The following ZNF430 variants were observed in gnomAD, a reference collection of about 807,000 sequenced individuals.
ZNF430 encodes the protein zinc finger protein 430.
A neutral mutation model predicts 56.7 loss-of-function variants in ZNF430; 35 were observed. That is an observed-to-expected ratio of 0.62 (90% CI 0.47 to 0.82). ZNF430 has a LOEUF of 0.82. Among genes scored for constraint, ZNF430 ranks in the 40% least tolerant of loss-of-function variants. ZNF430 has a pLI of 0.00. For missense variants in ZNF430, 574 were observed against 661.0 expected (o/e 0.87, Z 1.44); for synonymous variants, 212 against 224.3 (o/e 0.94, Z 0.49).
Position 21,020,736 on chromosome 19 carries a change from C to A in ZNF430, c.-65C>A, listed in dbSNP as rs371828819. 114 of 1,602,060 alleles carry A rather than the reference C, an allele frequency of 7.1e-5. No homozygotes were observed. The highest frequency in any genetic ancestry group is 1.7e-4 in the Middle Eastern group (1 of 6,044). On this transcript the variant is annotated 5_prime_UTR_variant, in exon 1 of 5. Transcript: ENST00000261560. ...GCTCCTAGAGGTCCAGGCTCTGTGG[C>A]CCTGTGACCCGCAGGTATTGGGAGA...
chr19:21,035,945 A>C (rs1967990983), intron 4 of ZNF430: 1 of 152,224 alleles, frequency 6.6e-6, no homozygotes, highest in Admixed American at 6.5e-5. Context: ...GCGTTTATTG[A>C]GTACCGGAGA....
chr19:21,039,290 T>G (rs1227274382), intron 4 of ZNF430, among the ~76,000 whole-genome samples: 1 of 151,654 alleles, frequency 6.6e-6, no homozygotes, highest in African/African-American at 2.4e-5. Flanking sequence ...AGACAGGGTC[T>G]TCCTATGTTG....
In ZNF430 at chr19:21,048,164, C is replaced by CTT. The variant is rs536496163; in HGVS notation, c.323-8436_323-8435dup. On this transcript the variant is annotated intron_variant, in intron 4 of 4. Coordinates refer to ENST00000261560, the MANE Select transcript of ZNF430 (RefSeq NM_025189.4). ...TTAAAATGGAGATTACATAAAACATCTTTTTTTTTTTTTTTTTTTTTTTTT... is the reference window on the plus strand; with the variant it reads ...TTAAAATGGAGATTACATAAAACATCTTTTTTTTTTTTTTTTTTTTTTTTTTT... 1.3e-4 allele frequency among the ~76,000 whole-genome samples: 8 copies of CTT among 59,776 alleles called. No homozygotes were observed. The East Asian group carries it at 2.0e-3, about 15-fold the overall frequency. The allele number at this position is 59,776 out of a possible 152,430, so 39.2% of individuals were successfully genotyped here.
intron 4 of ZNF430, among the ~76,000 whole-genome samples, chr19:21,039,400 G>A (rs1211127910): frequency 2.1e-5 from 3 of 140,090 alleles, no homozygotes; most frequent in South Asian, 4.4e-4. Context: ...CGGCCCATGT[G>A]TTTTTTTTTT....
chr19:21,025,806 C>G (rs1313087084), intron 2 of ZNF430: 1 of 171,112 alleles, frequency 5.8e-6, no homozygotes, highest in Non-Finnish European at 1.2e-5. Context: ...ACTCTGCTTT[C>G]TCCATCTCCT....
rs151030196 is a variant in ZNF430, at chr19:21,029,090, T to C, written c.97-4366T>C. Among the ~76,000 whole-genome samples, 1,059 of 152,276 alleles carry C rather than the reference T, an allele frequency of 7.0e-3. 13 individuals are homozygous for C. The highest frequency in any genetic ancestry group is 0.023 in the African/African-American group (967 of 41,558). On this transcript the variant is annotated intron_variant, in intron 2 of 4. Transcript: ENST00000261560. ...TGGATGAAAGCAATAGGAGGTCTGGTGACTCAAACAGATAAAGTAATTGTT... is the reference window on the plus strand; with the variant it reads ...TGGATGAAAGCAATAGGAGGTCTGGCGACTCAAACAGATAAAGTAATTGTT...
At position 21,044,295 on chromosome 19, in the gene ZNF430, A is replaced by G. The variant is rs115759576; in HGVS notation, c.322+10111A>G. Among the ~76,000 whole-genome samples, 1,100 of 152,218 alleles carry G rather than the reference A, an allele frequency of 7.2e-3. 16 individuals are homozygous for G. The highest frequency in any genetic ancestry group is 0.026 in the African/African-American group (1,072 of 41,548). On this transcript the variant is annotated intron_variant, in intron 4 of 4. Transcript: ENST00000261560. ...TATTGAGCATTTTTAACATGAAGGT[A>G]TGTTGAATTTAATCAAAGACCTTTT... is the stretch of plus-strand genomic sequence containing the variant.
chr19:21,028,687 G>T (rs987167171), intron 2 of ZNF430, among the ~76,000 whole-genome samples: 4 of 151,850 alleles, frequency 2.6e-5, no homozygotes, highest in African/African-American at 9.7e-5. Context: ...GTTTTTTTAG[G>T]GTTTTTTTTC....
chr19:21,052,566 A>C (rs935911299), intron 4 of ZNF430, among the ~76,000 whole-genome samples: 3 of 152,004 alleles, frequency 2.0e-5, no homozygotes, highest in Non-Finnish European at 2.9e-5. Context: ...ATTATTGTTT[A>C]ATGTCTTTGT....
chr19:21,054,770 G>C (rs1968343919), intron 4 of ZNF430, among the ~76,000 whole-genome samples: 1 of 140,322 alleles, frequency 7.1e-6, no homozygotes, highest in Non-Finnish European at 1.5e-5. Context: ...CGCCTCCCCG[G>C]TTCACGCCAT....
chr19:21,049,349 G>A (rs1488332003), intron 4 of ZNF430, among the ~76,000 whole-genome samples: 1 of 151,470 alleles, frequency 6.6e-6, no homozygotes, highest in Non-Finnish European at 1.5e-5. Flanking sequence ...AACTTTAACG[G>A]TTTTATGCAC....
Position 21,057,620 on chromosome 19 carries a change from T to A in ZNF430, c.1312T>A (p.Phe438Ile). The change falls in exon 5 of 5, where the codon TTT (phenylalanine) becomes ATT (isoleucine). Residue 438 changes from phenylalanine (F) to isoleucine (I), a missense_variant. By Grantham distance (21) the Phe-to-Ile change is conservative. Around this residue, in one of 3 missense-constraint regions of ZNF430, gnomAD observed 213 missense variants for 221.0 expected, o/e 0.96. Transcript: ENST00000261560. ...CAAATGTGAACAATGTGGCAAAGCT[T>A]TTAATGAGTCCTCAAACCTTACTGC... Reference protein sequence around the residue: ...PYKCEQCGKAFNESSNLTAHK... With the variant: ...PYKCEQCGKAINESSNLTAHK... 3.1e-6 allele frequency: 5 copies of A among 1,612,098 alleles called. No homozygotes were observed. Among genetic ancestry groups the A allele is most frequent in the Non-Finnish European group, 4.2e-6 (5 of 1,179,542 alleles).
intron 4 of ZNF430, among the ~76,000 whole-genome samples, chr19:21,041,274 C>T (rs1015513179): frequency 6.6e-6 from 1 of 152,032 alleles, no homozygotes; most frequent in African/African-American, 2.4e-5. Flanking sequence ...AAATGTGTGT[C>T]GTCACGCCCA....
At chr19:21,039,549 C>G (rs183499633) in intron 4 of ZNF430, among the ~76,000 whole-genome samples, 26 of 151,730 alleles carry the variant, frequency 1.7e-4, no homozygotes, top group South Asian at 6.2e-4. Flanking sequence ...TCACTGCAAA[C>G]TCCGCCTCAC....
At chr19:21,050,841 A>C (rs1968271653) in intron 4 of ZNF430, among the ~76,000 whole-genome samples, 1 of 152,132 alleles carries the variant, frequency 6.6e-6, no homozygotes, top group African/African-American at 2.4e-5. Flanking sequence ...CAGTCTGGCT[A>C]TCTTGGTGAA....
rs1968442064 is a variant in ZNF430, at chr19:21,059,978, T to C, written c.*1957T>C. ...GAACATTTTTAATTTTATTTAAAAT[T>C]AAATGAAAATAAATTAGTATATTAT... On this transcript the variant is annotated 3_prime_UTR_variant, in exon 5 of 5. Coordinates refer to ENST00000261560, the MANE Select transcript of ZNF430 (RefSeq NM_025189.4). The C allele has an allele frequency of 6.6e-6, 1 of 152,102 alleles. No individual in the cohort carries two copies. The highest frequency in any genetic ancestry group is 2.4e-5 in the African/African-American group (1 of 41,448). The allele number at this position is 152,102 out of a possible 1,614,324, so 9.4% of individuals were successfully genotyped here. A position where few individuals can be genotyped will look rare whatever the true frequency, so the allele number is the denominator to read the frequency against.
chr19:21,025,547 C>T (rs1045590982), intron 2 of ZNF430, among the ~76,000 whole-genome samples: 3 of 152,002 alleles, frequency 2.0e-5, no homozygotes, highest in African/African-American at 4.8e-5. Context: ...AGCCCCTATT[C>T]GAAATGGATT....
intron 4 of ZNF430, among the ~76,000 whole-genome samples, chr19:21,055,898 A>G (rs1369366466): frequency 1.3e-5 from 2 of 152,214 alleles, no homozygotes; most frequent in Non-Finnish European, 2.9e-5. Flanking sequence ...TTCTTTCAGC[A>G]CTAGATGTCA....
chr19:21,042,176 T>G (rs866935569), intron 4 of ZNF430, among the ~76,000 whole-genome samples: 3 of 152,238 alleles, frequency 2.0e-5, no homozygotes, highest in South Asian at 4.1e-4. Context: ...TTCCATAGTG[T>G]ATATGTACCA....
Sources: allele counts gnomAD v4.1 joint callset (sites outside exome capture counted in the v4.1 genomes callset), GRCh38; gene constraint gnomAD v4.1.1; regional missense constraint gnomAD v4.1.1; transcripts MANE v1.5; gene names NCBI Gene and HGNC (gene_info 2026-07-23, HGNC 2026-07-21).